TG: variants seen among roughly 807,000 people sequenced by gnomAD.
TG encodes the protein thyroglobulin, also known as thyroid hormones.
A neutral mutation model predicts 324.7 loss-of-function variants in TG; 270 were observed. The ratio of observed to expected loss-of-function variants is 0.83; its 90% CI spans 0.75 to 0.92. TG has a LOEUF of 0.92. TG is among the 40% of genes least tolerant of loss of function. TG has a pLI of 0.00. For missense variants in TG, 3,591 were observed against 3,456.4 expected, an observed-to-expected ratio of 1.04 and a Z score of -0.98; for synonymous variants, 1,401 against 1,327.0, an observed-to-expected ratio of 1.06 and a Z score of -1.21.
rs759016310 is a variant in TG at position 132,941,462 on chromosome 8, C to T, written c.5153C>T (p.Thr1718Ile). The change falls in exon 26 of 48, where the codon ACC (threonine) becomes ATC (isoleucine). Residue 1718 changes from threonine (T) to isoleucine (I), a missense_variant. By Grantham distance (89) the Thr-to-Ile change is moderately conservative. Coordinates refer to ENST00000220616, the MANE Select transcript of TG (RefSeq NM_003235.5). The stretch of plus-strand genomic sequence containing the variant: ...TTCTCAGCCTCAGGAGCCAATCTAA[C>T]CGATGCTCACCTCTTCTGTCTTCTT... ...IVFSASGANL[T>I]DAHLFCLLAC... 8.1e-6 allele frequency: 13 copies of T among 1,614,220 alleles called. No individual in the cohort carries two copies. In the African/African-American group the frequency reaches 1.5e-4, roughly 18 times the overall value.
At chr8:132,915,893 T>C (rs746640800) in intron 20 of TG, among the ~76,000 whole-genome samples, 2 of 152,174 alleles carry the variant, frequency 1.3e-5, no homozygotes, top group Admixed American at 1.3e-4. Flanking sequence ...CTCCAAAGGG[T>C]TGGAAAGATC....
chr8:133,111,928 G>A (rs573144849), intron 43 of TG, among the ~76,000 whole-genome samples: 1 of 152,362 alleles, frequency 6.6e-6, no homozygotes, highest in South Asian at 2.1e-4. Flanking sequence ...AGTCCACAGG[G>A]TGGTTCAGCC....
chr8:133,065,132 G>A (rs1842871046), intron 41 of TG, among the ~76,000 whole-genome samples: 1 of 152,168 alleles, frequency 6.6e-6, no homozygotes, highest in African/African-American at 2.4e-5. Context: ...AAGCCTCAAT[G>A]TCCACCATAT....
intron 10 of TG, among the ~76,000 whole-genome samples, chr8:132,889,183 A>C (rs1231630449): frequency 6.6e-6 from 1 of 152,214 alleles, no homozygotes; most frequent in Non-Finnish European, 1.5e-5. Flanking sequence ...AGCTGACACG[A>C]GTTTCAGTTA....
At position 132,886,736 on chromosome 8, in the gene TG, G is replaced by C; in HGVS notation, c.1364G>C (p.Arg455Pro). 1 of 1,614,172 alleles carries C rather than the reference G, an allele frequency of 6.2e-7. No homozygotes were observed. Among genetic ancestry groups the C allele is most frequent in the Non-Finnish European group, 8.5e-7 (1 of 1,180,026 alleles). Reference protein sequence around the residue: ...RAIFPSRGLARLALQFTTNPK... With the variant: ...RAIFPSRGLAPLALQFTTNPK... ...ATTTTTCCCTCCCGAGGGCTGGCTC[G>C]TCTTGCCCTTCAGTTTACCACCAAC... The change falls in exon 9 of 48, where the codon CGT becomes CCT. Residue 455 changes from arginine (R) to proline (P), a missense_variant. By Grantham distance (103) the Arg-to-Pro change is moderately radical. Transcript: ENST00000220616.
At chr8:133,013,896 G>A (rs904662124) in intron 37 of TG, 132 bp downstream of exon 37, 7 of 1,060,842 alleles carry the variant, frequency 6.6e-6, no homozygotes, top group Non-Finnish European at 9.7e-6. Flanking sequence ...GCACTCACTT[G>A]AGGTAGACTG....
intron 35 of TG, among the ~76,000 whole-genome samples, chr8:133,009,235 C>T (rs1587749540): frequency 6.6e-6 from 1 of 152,306 alleles, no homozygotes; most frequent in Admixed American, 6.5e-5. Flanking sequence ...TCTAAAATTG[C>T]AGTGTTCTCA....
chr8:133,090,793 A>T (rs891564555), intron 41 of TG, among the ~76,000 whole-genome samples: 1 of 152,222 alleles, frequency 6.6e-6, no homozygotes, highest in African/African-American at 2.4e-5. Context: ...CAAAATGGCC[A>T]TGGGCAGAGC....
chr8:133,060,393 A>G lies in TG; in HGVS notation c.7239+30370A>G, dbSNP rs1329962243. 2.6e-6 allele frequency: 4 copies of G among 1,518,538 alleles called. No homozygotes were observed. The African/African-American group carries it at 5.7e-5, about 21-fold the overall frequency. 94.1% of individuals were successfully genotyped at this position (1,518,538 alleles called of 1,614,324 possible). On this transcript the variant is annotated intron_variant, in intron 41 of 47. Coordinates refer to ENST00000220616, the MANE Select transcript of TG (RefSeq NM_003235.5). ...CAGCTCAAGTTCTTTTATCAAGGGA[A>G]TGACAGAAAAACCACAGAGAGGGAA...
intron 41 of TG, among the ~76,000 whole-genome samples, chr8:133,052,422 T>C (rs1169472277): frequency 3.3e-5 from 5 of 152,078 alleles, no homozygotes; most frequent in Admixed American, 3.3e-4. Flanking sequence ...GGCTTTACAA[T>C]ATGGAAAGGG....
At chr8:133,047,533 C>T in intron 41 of TG, 1 of 428,230 alleles carries the variant, frequency 2.3e-6, no homozygotes, top group Non-Finnish European at 4.4e-6. Flanking sequence ...AGCATGCTGC[C>T]TACACACTGC....
At chr8:133,073,467 A>T (rs566495684) in intron 41 of TG, among the ~76,000 whole-genome samples, 4 of 152,214 alleles carry the variant, frequency 2.6e-5, no homozygotes, top group African/African-American at 9.6e-5. Context: ...GGTTCAAGCG[A>T]TTATCCTGTC....
intron 43 of TG, chr8:133,103,013 T>C (rs1462972791): frequency 4.8e-6 from 1 of 209,370 alleles, no homozygotes; most frequent in African/African-American, 2.3e-5. Flanking sequence ...TGGTGACAGA[T>C]TATAGTAAGA....
At chr8:133,096,175 G>A (rs767266998) in intron 42 of TG, 31 bp from the exon 43 acceptor site, 1 of 1,613,832 alleles carries the variant, frequency 6.2e-7, no homozygotes. Context: ...GATTATTCCA[G>A]GACAACTGAT....
intron 41 of TG, chr8:133,040,258 A>C: frequency 9.9e-7 from 1 of 1,014,352 alleles, no homozygotes; most frequent in Non-Finnish European, 1.4e-6. Context: ...CTGAGATTTC[A>C]AAGGGGCATG....
intron 8 of TG, among the ~76,000 whole-genome samples, chr8:132,884,782 A>G (rs1000178656): frequency 6.6e-6 from 1 of 152,244 alleles, no homozygotes; most frequent in South Asian, 2.1e-4. Flanking sequence ...TCTGTCTGGT[A>G]TATCAGGTCC....
intron 6 of TG, among the ~76,000 whole-genome samples, 200 bp downstream of exon 6, chr8:132,882,169 T>C (rs914310416): frequency 6.6e-6 from 1 of 152,220 alleles, no homozygotes; most frequent in Non-Finnish European, 1.5e-5. Flanking sequence ...GCCCACATAG[T>C]GCCTTTGTGC....
chr8:133,027,371 C>G (rs559881371), intron 40 of TG, among the ~76,000 whole-genome samples: 2 of 152,224 alleles, frequency 1.3e-5, no homozygotes, highest in African/African-American at 4.8e-5. Context: ...TCCCTGTGGG[C>G]AGCTGAGAGC....
chr8:133,104,822 A>T (rs80184086), intron 43 of TG, among the ~76,000 whole-genome samples: 8 of 152,126 alleles, frequency 5.3e-5, no homozygotes, highest in Non-Finnish European at 1.2e-4. Context: ...CCCTGTCTCC[A>T]CTGAATGATG....
Sources: allele counts gnomAD v4.1 joint callset (sites outside exome capture counted in the v4.1 genomes callset), GRCh38; gene constraint gnomAD v4.1.1; transcripts MANE v1.5; gene names NCBI Gene and HGNC (gene_info 2026-07-23, HGNC 2026-07-21).